PCDHA4: variants seen among roughly 807,000 people sequenced by gnomAD.
The protein encoded by PCDHA4 is protocadherin alpha-4.
In PCDHA4, 49 loss-of-function variants were observed where a neutral mutation model predicts 61.4. The observed-to-expected ratio is 0.80, with a 90% CI of 0.63 to 1.01. The LOEUF is 1.01. Ranked by LOEUF, PCDHA4 falls within the 50% of genes least tolerant of loss-of-function variation. The pLI is 0.00. For missense variants in PCDHA4, 1,254 were observed against 1,235.8 expected, an observed-to-expected ratio of 1.01 and a Z score of -0.22; for synonymous variants, 590 against 550.3, an observed-to-expected ratio of 1.07 and a Z score of -1.01.
intron 3 of PCDHA4, among the ~76,000 whole-genome samples, chr5:141,008,842 T>C (rs1554261951): frequency 6.6e-6 from 1 of 152,214 alleles, no homozygotes; most frequent in East Asian, 1.9e-4. Context: ...TCTTACGCTG[T>C]GTATTCCCAT....
At chr5:140,837,492 T>A (rs1775076857) in intron 1 of PCDHA4, among the ~76,000 whole-genome samples, 1 of 140,282 alleles carries the variant, frequency 7.1e-6, no homozygotes, top group Non-Finnish European at 1.5e-5. Flanking sequence ...TTACTTTACC[T>A]TTCTGAATTT....
At chr5:140,855,255 A>G (rs2043396159) in intron 1 of PCDHA4, among the ~76,000 whole-genome samples, 1 of 149,836 alleles carries the variant, frequency 6.7e-6, no homozygotes, top group Non-Finnish European at 1.5e-5. Context: ...AGCACTTACT[A>G]TATTATAATT....
intron 1 of PCDHA4, among the ~76,000 whole-genome samples, chr5:140,916,853 T>G (rs1233420106): frequency 1.3e-5 from 2 of 152,160 alleles, no homozygotes; most frequent in East Asian, 3.9e-4. Flanking sequence ...AGCCCAGCAC[T>G]AGGAGTTACC....
At chr5:140,870,819 G>A (rs1365807310) in intron 1 of PCDHA4, 2 of 1,613,712 alleles carry the variant, frequency 1.2e-6, no homozygotes, top group Admixed American at 3.3e-5. Flanking sequence ...CTGGCAGCGC[G>A]GGAGGCGCAG....
At chr5:140,941,244 T>TTTCG (rs2092953100) in intron 1 of PCDHA4, among the ~76,000 whole-genome samples, 1 of 141,602 alleles carries the variant, frequency 7.1e-6, no homozygotes, top group South Asian at 2.3e-4. Context: ...TCTTTCTTTC[T>TTTCG]TTCTTTCTTT....
intron 1 of PCDHA4, chr5:140,835,731 G>GA: frequency 6.2e-7 from 1 of 1,613,790 alleles, no homozygotes; most frequent in Non-Finnish European, 8.5e-7. Flanking sequence ...CGACGTGAAC[G>GA]ACAACGCCCC....
intron 1 of PCDHA4, among the ~76,000 whole-genome samples, chr5:140,923,323 C>T (rs1554201408): frequency 6.6e-6 from 1 of 152,092 alleles, no homozygotes; most frequent in Non-Finnish European, 1.5e-5. Context: ...CCTAGAAGTT[C>T]AAGGACAGTT....
rs2150329529 is a variant in PCDHA4, at chr5:140,842,109, A to G, written c.2385+32537A>G. 642 of 1,613,342 alleles carry G rather than the reference A, an allele frequency of 4.0e-4. 8 individuals are homozygous for G. Among genetic ancestry groups the G allele is most frequent in the South Asian group, 3.7e-3 (331 of 90,644 alleles). On this transcript the variant is annotated intron_variant, in intron 1 of 3. Transcript: ENST00000530339. ...GCAGACAACGGAACAACAGTTATCA[A>G]ACTGAATGCTTCTGATCCGGATGAA...
intron 1 of PCDHA4, chr5:140,969,336 GA>G: frequency 2.5e-6 from 4 of 1,613,996 alleles, no homozygotes; most frequent in Non-Finnish European, 3.4e-6. Context: ...AATGAGGTGA[GA>G]CAGTGGTCAG....
At chr5:140,909,101 G>C (rs1242179195) in intron 1 of PCDHA4, among the ~76,000 whole-genome samples, 1 of 152,122 alleles carries the variant, frequency 6.6e-6, no homozygotes, top group Non-Finnish European at 1.5e-5. Flanking sequence ...CACTCACTGG[G>C]TCCAATCAGC....
At chr5:140,904,729 TA>T (rs1313627737) in intron 1 of PCDHA4, among the ~76,000 whole-genome samples, 4 of 152,162 alleles carry the variant, frequency 2.6e-5, no homozygotes, top group East Asian at 1.9e-4. Context: ...CAACATCTAT[TA>T]TTTTTTTATT....
intron 1 of PCDHA4, among the ~76,000 whole-genome samples, chr5:140,874,790 A>C (rs2055107111): frequency 6.6e-6 from 1 of 152,254 alleles, no homozygotes; most frequent in East Asian, 1.9e-4. Context: ...TCTAACTTTC[A>C]TCAGATTTAT....
intron 3 of PCDHA4, among the ~76,000 whole-genome samples, chr5:141,006,608 G>A (rs2098279719): frequency 6.6e-6 from 1 of 152,200 alleles, no homozygotes; most frequent in African/African-American, 2.4e-5. Flanking sequence ...GAAGCAGACT[G>A]AATAAGGAGA....
At chr5:140,909,560 C>A (rs2074577216) in intron 1 of PCDHA4, among the ~76,000 whole-genome samples, 1 of 152,284 alleles carries the variant, frequency 6.6e-6, no homozygotes, top group Middle Eastern at 3.4e-3. Flanking sequence ...ATCTCTGCAA[C>A]CCATCCAGAG....
chr5:140,834,254 G>A, intron 1 of PCDHA4: 1 of 927,246 alleles, frequency 1.1e-6, no homozygotes, highest in Non-Finnish European at 1.6e-6. Flanking sequence ...CTGGAAAGAC[G>A]CTCCACTCTC....
At chr5:140,826,837 T>C (rs1581838088) in intron 1 of PCDHA4, among the ~76,000 whole-genome samples, 1 of 152,182 alleles carries the variant, frequency 6.6e-6, no homozygotes, top group East Asian at 1.9e-4. Context: ...TAGAAGTTTC[T>C]CAAGTGTCTT....
chr5:140,809,198 G>T lies in PCDHA4; in HGVS notation c.2011G>T (p.Glu671Ter). 6.2e-7 allele frequency: 1 copy of T among 1,614,074 alleles called. No individual in the cohort carries two copies. The highest frequency in any genetic ancestry group is 8.5e-7 in the Non-Finnish European group (1 of 1,179,956). Residue 671 changes from glutamate (E) to a stop codon, truncating the protein, a stop_gained, in exon 1 of 4, where the codon GAG becomes TAG. Coordinates refer to ENST00000530339, the MANE Select transcript of PCDHA4 (RefSeq NM_018907.4). LOFTEE classifies it high-confidence loss of function. ...GGCCACTGTGCTGGTGTCACTTGTG[G>T]AGAGTGGACAGGCGCCAAAGGCCTC... is the stretch of plus-strand genomic sequence containing the variant. Reference protein sequence around the residue: ...ATATVLVSLVESGQAPKASSR... With the variant: ...ATATVLVSLV
At chr5:140,983,481 T>A (rs782574681) in intron 3 of PCDHA4, among the ~76,000 whole-genome samples, 2 of 152,226 alleles carry the variant, frequency 1.3e-5, no homozygotes, top group Non-Finnish European at 2.9e-5. Context: ...TAATAGTAGT[T>A]ACTAATTATT....
chr5:140,864,277 T>C (rs1203382304), intron 1 of PCDHA4: 1 of 152,228 alleles, frequency 6.6e-6, no homozygotes, highest in African/African-American at 2.4e-5. Context: ...CTCCATTCCT[T>C]ATTGTTTTTA....
Sources: allele counts gnomAD v4.1 joint callset (sites outside exome capture counted in the v4.1 genomes callset), GRCh38; gene constraint gnomAD v4.1.1; transcripts MANE v1.5; gene names NCBI Gene and HGNC (gene_info 2026-07-23, HGNC 2026-07-21).